The following DOCK4 variants were observed in gnomAD, a reference collection of about 807,000 sequenced individuals.
The protein encoded by DOCK4 is dedicator of cytokinesis 4.
In DOCK4, 97 loss-of-function variants were observed where a neutral mutation model predicts 268.1. That is an observed-to-expected ratio of 0.36 (90% CI 0.31 to 0.43). The LOEUF (loss-of-function observed/expected upper bound fraction) is 0.43. Among genes scored for constraint, DOCK4 ranks in the 20% least tolerant of loss-of-function variants. The probability of loss-of-function intolerance (pLI) is 1.00; values close to 1 mark genes in which losing one functional copy is unlikely to be tolerated. For missense variants in DOCK4, 2,145 were observed against 2,455.7 expected, an observed-to-expected ratio of 0.87 and a Z score of 2.67; for synonymous variants, 954 against 887.2, an observed-to-expected ratio of 1.08 and a Z score of -1.34.
chr7:112,072,793 G>A (rs1338789000), intron 1 of DOCK4, among the ~76,000 whole-genome samples: 1 of 152,172 alleles, frequency 6.6e-6, no homozygotes, highest in African/African-American at 2.4e-5. Flanking sequence ...CTGAGCAAGT[G>A]GTCTCACAAA....
intron 1 of DOCK4, among the ~76,000 whole-genome samples, chr7:112,012,914 T>C (rs946011685): frequency 6.6e-6 from 1 of 151,980 alleles, no homozygotes; most frequent in African/African-American, 2.4e-5. Flanking sequence ...AAGTGGGACA[T>C]GCAAATATCA....
rs547044284 is a variant in DOCK4, at chr7:111,900,662, C to T, written c.1318-126G>A. 5.0e-5 allele frequency: 49 copies of T among 981,090 alleles called. No homozygotes were observed. The African/African-American group carries it at 7.7e-4, about 15-fold the overall frequency. The allele number at this position is 981,090 out of a possible 1,614,324, so 60.8% of individuals were successfully genotyped here. ...GCACTATGAAATTACCTCGCTGGGC[C>T]TTTGCCGTGTGTTTCTGTACTTGCT... On this transcript the variant is annotated intron_variant, in intron 14 of 52. Coordinates refer to ENST00000428084, the MANE Select transcript of DOCK4 (RefSeq NM_001363540.2).
At chr7:111,818,323 C>T (rs1024603648) in intron 27 of DOCK4, among the ~76,000 whole-genome samples, 4 of 152,190 alleles carry the variant, frequency 2.6e-5, no homozygotes, top group Non-Finnish European at 4.4e-5. Flanking sequence ...GCTTTCCCTT[C>T]TACATCTCCA....
chr7:111,877,809 A>G (rs1401727803), intron 16 of DOCK4, among the ~76,000 whole-genome samples: 1 of 152,236 alleles, frequency 6.6e-6, no homozygotes, highest in Non-Finnish European at 1.5e-5. Context: ...TATTTTAGTC[A>G]AGGATTGTTG....
intron 15 of DOCK4, among the ~76,000 whole-genome samples, chr7:111,899,794 G>A (rs1290437253): frequency 6.6e-6 from 1 of 152,130 alleles, no homozygotes; most frequent in Non-Finnish European, 1.5e-5. Context: ...GTGGTGGCCG[G>A]GCGCCTGTAG....
chr7:112,029,711 T>C (rs572502115), intron 1 of DOCK4, among the ~76,000 whole-genome samples: 11 of 152,312 alleles, frequency 7.2e-5, no homozygotes, highest in South Asian at 4.1e-4. Flanking sequence ...GAGACGGTAA[T>C]TGCACTCACT....
chr7:111,980,677 G>A (rs1798542208), intron 7 of DOCK4, among the ~76,000 whole-genome samples: 1 of 152,164 alleles, frequency 6.6e-6, no homozygotes, highest in African/African-American at 2.4e-5. Context: ...CCTACCAGAT[G>A]CCAATAGTAC....
chr7:111,844,848 T>A lies in DOCK4; in HGVS notation c.2651A>T (p.Asp884Val), dbSNP rs1182225192. 1 of 1,613,510 alleles carries A rather than the reference T, an allele frequency of 6.2e-7. No individual in the cohort carries two copies. The highest frequency in any genetic ancestry group is 8.5e-7 in the Non-Finnish European group (1 of 1,179,650). The change falls in exon 25 of 53, where the codon GAT (aspartate) becomes GTT (valine). Residue 884 changes from aspartate (D) to valine (V), a missense_variant. This residue lies in a region of DOCK4 where 1,598 missense variants were observed against 1,986.7 expected (regional missense o/e 0.80). Transcript: ENST00000428084. Reference sequence around the variant, plus strand: ...CTCCAATATGGTCCTCAGCAGAATATCCAGCAAGCTGGCCACTATCACATC... The same window carrying A: ...CTCCAATATGGTCCTCAGCAGAATAACCAGCAAGCTGGCCACTATCACATC... ...EIDVIVASLL[D>V]ILLRTILEIT...
chr7:111,916,282 TAAAAC>T (rs764190073), intron 12 of DOCK4, among the ~76,000 whole-genome samples: 6 of 152,126 alleles, frequency 3.9e-5, no homozygotes, highest in South Asian at 2.1e-4. Flanking sequence ...ATGGGAGGTT[TAAAAC>T]AAAACAAAAC....
intron 1 of DOCK4, among the ~76,000 whole-genome samples, chr7:112,018,172 A>AC (rs1802005163): frequency 7.1e-6 from 1 of 140,384 alleles, no homozygotes; most frequent in African/African-American, 2.6e-5. Context: ...AAAAAAAAAA[A>AC]AAAAAAAACA....
intron 1 of DOCK4, among the ~76,000 whole-genome samples, chr7:112,063,311 T>G (rs1806609532): frequency 6.6e-6 from 1 of 152,206 alleles, no homozygotes; most frequent in African/African-American, 2.4e-5. Flanking sequence ...TTCCACCACA[T>G]ATAATACAGA....
intron 13 of DOCK4, among the ~76,000 whole-genome samples, chr7:111,914,527 G>A (rs1792421968): frequency 6.6e-6 from 1 of 152,120 alleles, no homozygotes; most frequent in African/African-American, 2.4e-5. Flanking sequence ...GACCAAGTTA[G>A]CCTTCTTGCA....
intron 20 of DOCK4, among the ~76,000 whole-genome samples, chr7:111,870,253 A>C (rs527248400): frequency 6.6e-6 from 1 of 150,434 alleles, no homozygotes; most frequent in East Asian, 2.0e-4. Context: ...ACAGCCCACA[A>C]CTCTCAAGAT....
intron 13 of DOCK4, among the ~76,000 whole-genome samples, chr7:111,902,426 A>G (rs1791219951): frequency 6.6e-6 from 1 of 152,240 alleles, no homozygotes; most frequent in Non-Finnish European, 1.5e-5. Flanking sequence ...GACACATTCT[A>G]TGTACATATA....
chr7:111,994,597 C>CT (rs1799781977), intron 4 of DOCK4, among the ~76,000 whole-genome samples: 1 of 152,162 alleles, frequency 6.6e-6, no homozygotes, highest in South Asian at 2.1e-4. Context: ...TGACTTTTGC[C>CT]TTCCAAGGGC....
intron 44 of DOCK4, among the ~76,000 whole-genome samples, chr7:111,742,613 G>A (rs1234906165): frequency 6.6e-6 from 1 of 152,148 alleles, no homozygotes; most frequent in African/African-American, 2.4e-5. Flanking sequence ...CCCTCCCACA[G>A]ACTTTCAGAA....
intron 38 of DOCK4, among the ~76,000 whole-genome samples, chr7:111,766,701 G>A (rs1345066339): frequency 6.6e-6 from 1 of 152,092 alleles, no homozygotes; most frequent in Non-Finnish European, 1.5e-5. Context: ...GACTAAGAAT[G>A]GTATATTGTT....
rs1205028351 is a variant in DOCK4 at position 111,935,539 on chromosome 7, C to T, written c.1066+1G>A. 6.2e-7 allele frequency: 1 copy of T among 1,611,724 alleles called. No homozygotes were observed. The highest frequency in any genetic ancestry group is 8.5e-7 in the Non-Finnish European group (1 of 1,178,960). On this transcript the variant is annotated splice_donor_variant, in intron 12 of 52. Transcript: ENST00000428084. LOFTEE classifies it high-confidence loss of function. ...GAAAGTCAGCCAGCCCATACACTCA[C>T]CTGCATTGGAGCCAGTCAAGTTATA... is the stretch of plus-strand genomic sequence containing the variant.
chr7:111,957,050 GC>G (rs1262815868), intron 8 of DOCK4, among the ~76,000 whole-genome samples: 2 of 152,228 alleles, frequency 1.3e-5, no homozygotes, highest in African/African-American at 4.8e-5. Context: ...AAGATCAGGT[GC>G]TTTTTTAACC....
Sources: allele counts gnomAD v4.1 joint callset (sites outside exome capture counted in the v4.1 genomes callset), GRCh38; gene constraint gnomAD v4.1.1; regional missense constraint gnomAD v4.1.1; transcripts MANE v1.5; gene names NCBI Gene and HGNC (gene_info 2026-07-23, HGNC 2026-07-21).